The following BAG1 variants were observed in gnomAD, a reference collection of about 807,000 sequenced individuals.
BAG1 encodes BAG cochaperone 1.
In BAG1, 35 loss-of-function variants were observed where a neutral mutation model predicts 35.5. The ratio of observed to expected loss-of-function variants is 0.99; its 90% confidence interval spans 0.75 to 1.31. The LOEUF is 1.31. Among genes scored for constraint, BAG1 ranks in the 50% most tolerant of loss-of-function variants. The pLI is 0.00. For missense variants in BAG1, 464 were observed against 453.6 expected (o/e 1.02, Z -0.21); for synonymous variants, 191 against 178.9 (o/e 1.07, Z -0.54).
chr9:33,262,156 C>A (rs1305549000), intron 2 of BAG1: 2 of 1,289,570 alleles, frequency 1.6e-6, no homozygotes, highest in Non-Finnish European at 2.0e-6. Context: ...GAGATTTCTG[C>A]CATCATCATA....
rs894499047 is a variant in BAG1, at chr9:33,255,732, C to T, written c.948+133G>A. The T allele has an allele frequency of 9.7e-6, 9 of 928,588 alleles. No homozygotes were observed. The African/African-American group carries it at 1.3e-4, about 14-fold the overall frequency. The allele number at this position is 928,588 out of a possible 1,614,324, so 57.5% of individuals were successfully genotyped here. A position where few individuals can be genotyped will look rare whatever the true frequency, so the allele number is the denominator to read the frequency against. On this transcript the variant is annotated intron_variant, in intron 6 of 6. Transcript: ENST00000634734. ...TGGCTCTTCTCTGACGTTTGGGGTT[C>T]CTGCTGATAAATATAACCAAAACAA...
Position 33,264,271 on chromosome 9 carries a change from G to A in BAG1, c.404C>T (p.Thr135Ile), listed in dbSNP as rs766422983. Residue 135 changes from threonine (T) to isoleucine (I), a missense_variant, in exon 1 of 7, where the codon ACC (threonine) becomes ATC (isoleucine). Coordinates refer to ENST00000634734, the MANE Select transcript of BAG1 (RefSeq NM_004323.6). ...CCCAGCTGCCGCCATTTCCTCCCTGGTCACCTCCTCGCTCCGGGTCGACTC... is the reference window on the plus strand; with the variant it reads ...CCCAGCTGCCGCCATTTCCTCCCTGATCACCTCCTCGCTCCGGGTCGACTC... 3 of 1,613,478 alleles carry A rather than the reference G, an allele frequency of 1.9e-6. No homozygotes were observed. The highest frequency in any genetic ancestry group is 1.6e-4 in the Middle Eastern group (1 of 6,062).
chr9:33,257,410 A>G (rs1162823959), intron 4 of BAG1: 1 of 152,450 alleles, frequency 6.6e-6, no homozygotes, highest in Non-Finnish European at 1.5e-5. Flanking sequence ...ACGCATGCTA[A>G]AGAATGGCAG....
In BAG1 at chr9:33,254,982, A is replaced by C; in HGVS notation, c.*237T>G. 6.8e-7 allele frequency: 1 copy of C among 1,460,344 alleles called. No individual in the cohort carries two copies. Among genetic ancestry groups the C allele is most frequent in the Admixed American group, 2.2e-5 (1 of 45,790 alleles). 90.5% of individuals were successfully genotyped at this position (1,460,344 alleles called of 1,614,324 possible). On this transcript the variant is annotated 3_prime_UTR_variant, in exon 7 of 7. Coordinates refer to ENST00000634734, the MANE Select transcript of BAG1 (RefSeq NM_004323.6). ...AATTTGGGCAGAGGTGGCCCTCTCC[A>C]GAAAAGGTGGATTGCTGGACAGTAC... is the stretch of plus-strand genomic sequence containing the variant.
At chr9:33,258,427 T>C (rs1188544303) in intron 4 of BAG1, among the ~76,000 whole-genome samples, 1 of 150,572 alleles carries the variant, frequency 6.6e-6, no homozygotes, top group Non-Finnish European at 1.5e-5. Context: ...TAGTACCCCA[T>C]CTCTAATATA....
At position 33,264,484 on chromosome 9, in the gene BAG1, G is replaced by C; in HGVS notation, c.191C>G (p.Ala64Gly). 6.2e-7 allele frequency: 1 copy of C among 1,611,368 alleles called. No homozygotes were observed. The highest frequency in any genetic ancestry group is 1.1e-5 in the South Asian group (1 of 91,002). ...CATCCGCGGCCTGCGAGCGCCGGCG[G>C]CGGCGCCCCTGGTGGGTCGGTCATG... The change falls in exon 1 of 7, where the codon GCC becomes GGC. Residue 64 changes from alanine (A) to glycine (G), a missense_variant. Ala to Gly is a moderately conservative substitution (Grantham distance 60, BLOSUM62 0). Transcript: ENST00000634734.
chr9:33,260,508 G>A (rs1215146216), intron 3 of BAG1: 1 of 152,156 alleles, frequency 6.6e-6, no homozygotes, highest in Non-Finnish European at 1.5e-5. Flanking sequence ...TCACAATAAG[G>A]GAACTTCATA....
At position 33,254,925 on chromosome 9, in the gene BAG1, A is replaced by G. The variant is rs10121459; in HGVS notation, c.*294T>C. ...CAAATTAGAGCTCTCACCAGCCCAA[A>G]GAAAGCACCCAGAGGTCCAAACAGC... On this transcript the variant is annotated 3_prime_UTR_variant, in exon 7 of 7. Coordinates refer to ENST00000634734, the MANE Select transcript of BAG1 (RefSeq NM_004323.6). 0.017 allele frequency: 19,336 copies of G among 1,139,946 alleles called. 1,782 individuals are homozygous for G. In the African/African-American group the frequency reaches 0.23, roughly 14 times the overall value. 70.6% of individuals were successfully genotyped at this position (1,139,946 alleles called of 1,614,324 possible).
At chr9:33,262,102 A>T in intron 2 of BAG1, 1 of 1,288,514 alleles carries the variant, frequency 7.8e-7, no homozygotes, top group Non-Finnish European at 1.0e-6. Context: ...AAGATGATCT[A>T]ACCTAGCGAG....
intron 4 of BAG1, chr9:33,257,909 G>A (rs1820488333): frequency 6.6e-6 from 1 of 152,148 alleles, no homozygotes; most frequent in Admixed American, 6.5e-5. Flanking sequence ...CTGAGTTGGT[G>A]CCCCATGGGT....
intron 6 of BAG1, 87 bp downstream of exon 6, chr9:33,255,778 T>C: frequency 1.4e-6 from 2 of 1,452,126 alleles, no homozygotes; most frequent in Non-Finnish European, 1.9e-6. Context: ...CACACCACGC[T>C]CCTACACTAC....
chr9:33,264,348 C>T lies in BAG1; in HGVS notation c.327G>A (p.Glu109=), dbSNP rs776843073. 2.5e-6 allele frequency: 4 copies of T among 1,612,914 alleles called. No homozygotes were observed. The highest frequency in any genetic ancestry group is 4.5e-5 in the East Asian group (2 of 44,816). Residue 109 remains glutamate (E), a synonymous_variant, in exon 1 of 7, where the codon GAG becomes GAA. Transcript: ENST00000634734. ...GATTCATCTCTTCGCCCTGGGTCGC[C>T]TCCTCACTCTGGGTCGCCTCTTCAC...
At chr9:33,263,773 C>T (rs1385043822) in intron 1 of BAG1, among the ~76,000 whole-genome samples, 2 of 83,680 alleles carry the variant, frequency 2.4e-5, no homozygotes, top group African/African-American at 5.2e-5. Context: ...CAAAGGGTGC[C>T]CAGAGTACAA....
intron 1 of BAG1, 139 bp from the exon 2 acceptor site, chr9:33,262,969 C>A (rs1820610358): frequency 4.9e-6 from 6 of 1,214,130 alleles, no homozygotes; most frequent in Non-Finnish European, 5.6e-6. Context: ...GCCCCCATGC[C>A]ACCCAGCTTT....
intron 1 of BAG1, among the ~76,000 whole-genome samples, chr9:33,263,367 G>C (rs896034511): frequency 6.6e-6 from 1 of 152,218 alleles, no homozygotes; most frequent in Non-Finnish European, 1.5e-5. Flanking sequence ...GAACACACTT[G>C]AGTGCATCCA....
Position 33,254,564 on chromosome 9 carries a change from G to T in BAG1, c.*655C>A, listed in dbSNP as rs1298197004. 1 of 159,102 alleles carries T rather than the reference G, an allele frequency of 6.3e-6. No individual in the cohort carries two copies. The highest frequency in any genetic ancestry group is 1.8e-4 in the East Asian group (1 of 5,490). The allele number at this position is 159,102 out of a possible 1,614,324, so 9.9% of individuals were successfully genotyped here. A position where few individuals can be genotyped will look rare whatever the true frequency, so the allele number is the denominator to read the frequency against. On this transcript the variant is annotated 3_prime_UTR_variant, in exon 7 of 7. Coordinates refer to ENST00000634734, the MANE Select transcript of BAG1 (RefSeq NM_004323.6). ...GTTCTAACCTTCTGAAGACTTGCTT[G>T]GGGACAAGGAAGCCTTGCATCAACC...
In BAG1 at chr9:33,262,738, CT is replaced by C. The variant is rs777619651; in HGVS notation, c.543del (p.Ile181MetfsTer17). The C allele has an allele frequency of 4.3e-6, 7 of 1,614,028 alleles. No homozygotes were observed. The highest frequency in any genetic ancestry group is 5.1e-6 in the Non-Finnish European group (6 of 1,180,010). ...AGTTTCTGAAAAGACTGTGGAACCC[CT>C]ATGACCTCTTCAACAACCTGGGCCA... On this transcript the variant is annotated frameshift_variant, in exon 2 of 7. Transcript: ENST00000634734. LOFTEE classifies it high-confidence loss of function.
rs374125409 is a variant in BAG1, at chr9:33,256,913, G to T, written c.778-5C>A. 1.2e-6 allele frequency: 2 copies of T among 1,611,416 alleles called. No individual in the cohort carries two copies. Among genetic ancestry groups the T allele is most frequent in the South Asian group, 1.1e-5 (1 of 90,992 alleles). ...CAAATCCTTGGGCAGAAAACCCTGC[G>T]GGGAAATAATGCATTATTGCAAGGG... On this transcript the variant is annotated splice_region_variant and splice_polypyrimidine_tract_variant and intron_variant, in intron 4 of 6. Coordinates refer to ENST00000634734, the MANE Select transcript of BAG1 (RefSeq NM_004323.6).
rs550969005 is a variant in BAG1 at position 33,254,931 on chromosome 9, C to T, written c.*288G>A. The T allele has an allele frequency of 6.0e-6, 7 of 1,171,816 alleles. No individual in the cohort carries two copies. The East Asian group carries it at 2.3e-4, about 39-fold the overall frequency. 72.6% of individuals were successfully genotyped at this position (1,171,816 alleles called of 1,614,324 possible). On this transcript the variant is annotated 3_prime_UTR_variant, in exon 7 of 7. Coordinates refer to ENST00000634734, the MANE Select transcript of BAG1 (RefSeq NM_004323.6). ...AGAGCTCTCACCAGCCCAAAGAAAG[C>T]ACCCAGAGGTCCAAACAGCTGGGAA...
Sources: gnomAD v4.1 joint callset for allele counts (sites outside exome capture counted in the v4.1 genomes callset) on GRCh38, gnomAD v4.1.1 for gene constraint, MANE v1.5 for transcripts, NCBI Gene and HGNC (gene_info 2026-07-23, HGNC 2026-07-21) for gene names.